DAPK2: variants seen among roughly 807,000 people sequenced by gnomAD.
DAPK2 encodes death associated protein kinase 2.
A neutral mutation model predicts 44.1 loss-of-function variants in DAPK2; 35 were observed. The ratio of observed to expected loss-of-function variants is 0.79; its 90% confidence interval spans 0.61 to 1.05. The LOEUF (loss-of-function observed/expected upper bound fraction) is 1.05, where lower values mean the gene tolerates loss of function less well. DAPK2 is among the 50% of genes least tolerant of loss of function. The pLI is 0.00. For missense variants in DAPK2, 453 were observed against 483.2 expected (o/e 0.94, Z 0.59); for synonymous variants, 174 against 182.6 (o/e 0.95, Z 0.38).
At chr15:64,011,916 G>A (rs935780215) in intron 1 of DAPK2, among the ~76,000 whole-genome samples, 3 of 152,132 alleles carry the variant, frequency 2.0e-5, no homozygotes, top group Non-Finnish European at 2.9e-5. Context: ...GAAGTCCCAG[G>A]AAGCAAAACC....
intron 3 of DAPK2, among the ~76,000 whole-genome samples, chr15:63,962,618 C>T (rs1300624572): frequency 1.3e-5 from 2 of 152,204 alleles, no homozygotes; most frequent in Non-Finnish European, 2.9e-5. Context: ...GAGGTCCACT[C>T]CAGACCCTGT....
intron 1 of DAPK2, among the ~76,000 whole-genome samples, chr15:64,006,121 C>T (rs2079222943): frequency 6.6e-6 from 1 of 151,870 alleles, no homozygotes; most frequent in African/African-American, 2.4e-5. Context: ...CCTATGGCCT[C>T]TCCTGGCATC....
At chr15:63,935,719 C>CT (rs2077125775) in intron 4 of DAPK2, 2 of 151,854 alleles carry the variant, frequency 1.3e-5, no homozygotes, top group African/African-American at 4.8e-5. Flanking sequence ...TCCTTTTTTT[C>CT]TTTTTGTATC....
chr15:63,999,447 G>A (rs1380352212), intron 1 of DAPK2, among the ~76,000 whole-genome samples: 1 of 152,126 alleles, frequency 6.6e-6, no homozygotes, highest in African/African-American at 2.4e-5. Context: ...AACACTCACA[G>A]CAGCTTGCCC....
rs900838260 is a variant in DAPK2 at position 63,935,198 on chromosome 15, C to G, written c.583+4034G>C. 4.0e-5 allele frequency among the ~76,000 whole-genome samples: 6 copies of G among 151,086 alleles called. No homozygotes were observed. In the East Asian group the frequency reaches 9.9e-4, roughly 25 times the overall value. ...CTCTGCCTCCTGGGTTGAAGTGATCCTCCCGCCTTAGCCTCCCAAGTTGCT... is the reference window on the plus strand; with the variant it reads ...CTCTGCCTCCTGGGTTGAAGTGATCGTCCCGCCTTAGCCTCCCAAGTTGCT... On this transcript the variant is annotated intron_variant, in intron 4 of 10. Transcript: ENST00000261891.
intron 3 of DAPK2, among the ~76,000 whole-genome samples, chr15:63,959,501 T>C (rs190827446): frequency 2.6e-5 from 4 of 152,340 alleles, no homozygotes; most frequent in Admixed American, 2.0e-4. Flanking sequence ...TTGTCATAAA[T>C]AGCTCTTATT....
chr15:63,971,685 CT>C (rs2078218146), intron 2 of DAPK2, 124 bp from the exon 4 acceptor site: 1 of 1,066,750 alleles, frequency 9.4e-7, no homozygotes, highest in Non-Finnish European at 1.3e-6. Flanking sequence ...CAGAATCCCC[CT>C]GGCTTATTTC....
At chr15:64,040,211 C>A in exon 1 of DAPK2, 2 of 1,614,086 alleles carry the variant, frequency 1.2e-6, no homozygotes, top group Non-Finnish European at 1.7e-6. Context: ...CCTCCACCTT[C>A]TGCTGCTTGA....
At chr15:63,973,379 T>C (rs138087791) in intron 2 of DAPK2, among the ~76,000 whole-genome samples, 1 of 152,352 alleles carries the variant, frequency 6.6e-6, no homozygotes, top group Non-Finnish European at 1.5e-5. Context: ...AGACCTCCAT[T>C]CCACCCCCAT....
At chr15:63,992,234 T>G (rs2078840253) in intron 1 of DAPK2, among the ~76,000 whole-genome samples, 2 of 152,222 alleles carry the variant, frequency 1.3e-5, no homozygotes, top group Admixed American at 6.5e-5. Context: ...AGATTTTCAC[T>G]GAAAATATAG....
intron 4 of DAPK2, chr15:63,935,986 C>A (rs2077135027): frequency 6.6e-6 from 1 of 152,166 alleles, no homozygotes. Context: ...TTCATCTGGT[C>A]ATTTTTGACA....
intron 2 of DAPK2, 44 bp from the exon 4 acceptor site, chr15:63,971,605 G>A (rs763522013): frequency 4.9e-5 from 78 of 1,603,024 alleles, no homozygotes; most frequent in Non-Finnish European, 6.1e-5. Context: ...GGCCCAGTCA[G>A]CTCTGCATGT....
chr15:63,940,660 C>A (rs1373549559), intron 3 of DAPK2, among the ~76,000 whole-genome samples: 1 of 151,976 alleles, frequency 6.6e-6, no homozygotes, highest in Non-Finnish European at 1.5e-5. Context: ...TGCAGTGAAC[C>A]AAGATCGTGC....
At chr15:63,951,052 T>C (rs2077572850) in intron 3 of DAPK2, among the ~76,000 whole-genome samples, 1 of 152,176 alleles carries the variant, frequency 6.6e-6, no homozygotes, top group Non-Finnish European at 1.5e-5. Context: ...TATAAAGCAA[T>C]TCCCCCCTCC....
At chr15:63,984,289 G>A (rs957277035) in intron 1 of DAPK2, among the ~76,000 whole-genome samples, 2 of 152,156 alleles carry the variant, frequency 1.3e-5, no homozygotes, top group African/African-American at 2.4e-5. Flanking sequence ...TGAGGTCATC[G>A]CAGAGTTAAT....
chr15:64,032,795 T>G (rs1027597664), intron 1 of DAPK2, among the ~76,000 whole-genome samples: 5 of 150,818 alleles, frequency 3.3e-5, no homozygotes, highest in Admixed American at 1.3e-4. Context: ...TACAAAAAAT[T>G]TAAAAATTAG....
intron 3 of DAPK2, among the ~76,000 whole-genome samples, chr15:63,969,585 A>T (rs1390077339): frequency 6.6e-6 from 1 of 152,136 alleles, no homozygotes; most frequent in Non-Finnish European, 1.5e-5. Flanking sequence ...TACAAAAAAT[A>T]CAAAAATTAG....
chr15:63,976,276 T>C (rs1262467368), intron 2 of DAPK2, among the ~76,000 whole-genome samples: 1 of 152,250 alleles, frequency 6.6e-6, no homozygotes, highest in African/African-American at 2.4e-5. Flanking sequence ...GTGGCTAGTG[T>C]AATAGAGGAA....
At chr15:64,031,640 A>G (rs538712045) in intron 1 of DAPK2, among the ~76,000 whole-genome samples, 131 of 152,216 alleles carry the variant, frequency 8.6e-4, no homozygotes, top group Non-Finnish European at 1.7e-3. Context: ...AGGCCAGGGT[A>G]GTGAAGAGGG....
Sources: gnomAD v4.1 joint callset for allele counts (sites outside exome capture counted in the v4.1 genomes callset) on GRCh38, gnomAD v4.1.1 for gene constraint, MANE v1.5 for transcripts, NCBI Gene and HGNC (gene_info 2026-07-23, HGNC 2026-07-21) for gene names.